The following EML1 variants were observed in gnomAD, a reference collection of about 807,000 sequenced individuals.
EML1 encodes EMAP like 1, also known as echinoderm microtubule-associated protein-like 1.
EML1 carries 27 observed loss-of-function variants against 110.4 expected under a neutral mutation model. The observed-to-expected ratio is 0.24, with a 90% CI of 0.18 to 0.34. The LOEUF is 0.34. Among genes scored for constraint, EML1 ranks in the 10% least tolerant of loss-of-function variants. The pLI, the probability that EML1 is intolerant of heterozygous loss-of-function variation, is 1.00. For missense variants in EML1, 741 were observed against 1,030.9 expected (o/e 0.72, Z 3.85); for synonymous variants, 344 against 385.8 (o/e 0.89, Z 1.27).
chr14:99,782,711 G>T (rs1000701837), intron 1 of EML1, among the ~76,000 whole-genome samples: 2 of 152,106 alleles, frequency 1.3e-5, no homozygotes, highest in African/African-American at 4.8e-5. Context: ...ATGAGCAAGA[G>T]TTACCGGACC....
intron 20 of EML1, 123 bp downstream of exon 20, chr14:99,938,035 C>T: frequency 1.0e-6 from 1 of 963,706 alleles, no homozygotes; most frequent in Non-Finnish European, 1.6e-6. Context: ...CTACGGGAGG[C>T]CCATGAGACA....
At chr14:99,899,134 T>G (rs2140012500) in intron 8 of EML1, among the ~76,000 whole-genome samples, 1 of 152,294 alleles carries the variant, frequency 6.6e-6, no homozygotes, top group East Asian at 1.9e-4. Context: ...AGAGGGAGCT[T>G]GTAGCTTTTT....
intron 3 of EML1, 140 bp downstream of exon 3, chr14:99,865,786 G>C: frequency 1.8e-6 from 2 of 1,110,434 alleles, no homozygotes. Context: ...TTTATATGGT[G>C]CCATAACAAG....
chr14:99,850,445 T>C, intron 1 of EML1: 1 of 862,188 alleles, frequency 1.2e-6, no homozygotes, highest in South Asian at 1.5e-5. Context: ...ATGACCTACC[T>C]GTCAGTTAAC....
intron 1 of EML1, among the ~76,000 whole-genome samples, chr14:99,753,195 C>CCT (rs2057197979): frequency 1.4e-5 from 1 of 70,846 alleles, no homozygotes; most frequent in African/African-American, 4.3e-5. Flanking sequence ...CCGCACCCCC[C>CCT]GCCCCCCCGC....
intron 1 of EML1, among the ~76,000 whole-genome samples, chr14:99,801,487 C>T (rs1180577414): frequency 1.3e-5 from 2 of 152,114 alleles, no homozygotes; most frequent in South Asian, 2.1e-4. Flanking sequence ...TGGTGGCGGG[C>T]GCCTGTAGTC....
At chr14:99,904,795 G>A (rs1017822924) in intron 9 of EML1, among the ~76,000 whole-genome samples, 1 of 152,082 alleles carries the variant, frequency 6.6e-6, no homozygotes, top group Admixed American at 6.5e-5. Flanking sequence ...TCAGGAACCT[G>A]CCACAAAATT....
At chr14:99,826,982 T>G (rs561690305) in intron 1 of EML1, among the ~76,000 whole-genome samples, 2 of 152,292 alleles carry the variant, frequency 1.3e-5, no homozygotes, top group South Asian at 4.2e-4. Flanking sequence ...TCCATTAATT[T>G]TTTTCATTCA....
At position 99,890,235 on chromosome 14, in the gene EML1, G is replaced by A. The variant is rs562899483; in HGVS notation, c.519-964G>A. Among the ~76,000 whole-genome samples, 124 of 152,280 alleles carry A rather than the reference G, an allele frequency of 8.1e-4. 4 individuals carry two copies. The South Asian group carries it at 0.025, about 30-fold the overall frequency. Reference sequence around the variant, plus strand: ...GAACCCAGTGCACCCCTTGACTCCCGTTTATTTCCTGTGTCGTCTTTTGTA... The same window carrying A: ...GAACCCAGTGCACCCCTTGACTCCCATTTATTTCCTGTGTCGTCTTTTGTA... On this transcript the variant is annotated intron_variant, in intron 4 of 21. Transcript: ENST00000262233.
At chr14:99,890,900 G>T (rs1297205044) in intron 4 of EML1, among the ~76,000 whole-genome samples, 2 of 152,044 alleles carry the variant, frequency 1.3e-5, no homozygotes, top group African/African-American at 4.8e-5. Context: ...TTTAGACAGG[G>T]TCATTCCCTT....
At chr14:99,915,047 A>G (rs1445216594) in intron 15 of EML1, 1 of 308,082 alleles carries the variant, frequency 3.2e-6, no homozygotes, top group African/African-American at 2.3e-5. Context: ...TTTGAATGGG[A>G]ATTTACAAGC....
At chr14:99,777,302 C>T (rs1425895792) in intron 1 of EML1, among the ~76,000 whole-genome samples, 1 of 152,202 alleles carries the variant, frequency 6.6e-6, no homozygotes, top group East Asian at 1.9e-4. Context: ...TTGCAGTTCC[C>T]TCCCCTCATT....
At chr14:99,907,171 G>A (rs560224797) in intron 9 of EML1, 3 of 154,222 alleles carry the variant, frequency 1.9e-5, no homozygotes, top group Admixed American at 1.3e-4. Context: ...TCTCAGCCAG[G>A]CCCAGTGGCT....
Position 99,940,035 on chromosome 14 carries a change from G to A in EML1, c.2371G>A (p.Asp791Asn), listed in dbSNP as rs147904150. ...GGHSSHVTNV[D>N]FLCEDSHLIS... The stretch of plus-strand genomic sequence containing the variant: ...GCACAGCAGCCATGTCACCAATGTC[G>A]ATTTCCTCTGTGAAGACAGCCACCT... The change falls in exon 22 of 22, where the codon GAT becomes AAT. Residue 791 changes from aspartate to asparagine, a missense_variant. Physicochemically the swap from Asp to Asn is conservative, Grantham distance 23. Coordinates refer to ENST00000262233, the MANE Select transcript of EML1 (RefSeq NM_004434.3). 2.0e-4 allele frequency: 325 copies of A among 1,599,758 alleles called. No homozygotes were observed. The highest frequency in any genetic ancestry group is 2.5e-4 in the Non-Finnish European group (297 of 1,173,364).
rs1351009883 is a variant in EML1 at position 99,848,946 on chromosome 14, G to C, written c.68-1907G>C. Among the ~76,000 whole-genome samples, 8 of 141,244 alleles carry C rather than the reference G, an allele frequency of 5.7e-5. No homozygotes were observed. In the East Asian group the frequency reaches 6.0e-4, roughly 11 times the overall value. 92.7% of individuals were successfully genotyped at this position (141,244 alleles called of 152,430 possible). On this transcript the variant is annotated intron_variant, in intron 1 of 21. Coordinates refer to ENST00000262233, the MANE Select transcript of EML1 (RefSeq NM_004434.3). ...CCACTGTACTGCAGCCTGGGCAACGGAGTAAGACCCTGTCAAAAAAAAAAA... is the reference window on the plus strand; with the variant it reads ...CCACTGTACTGCAGCCTGGGCAACGCAGTAAGACCCTGTCAAAAAAAAAAA...
chr14:99,847,851 A>AT (rs1400221470), intron 1 of EML1, among the ~76,000 whole-genome samples: 2 of 151,340 alleles, frequency 1.3e-5, no homozygotes, highest in Non-Finnish European at 2.9e-5. Flanking sequence ...CATGGTATAT[A>AT]TTTTTTCCAT....
Position 99,939,117 on chromosome 14 carries a change from C to T in EML1, c.2192-80C>T, listed in dbSNP as rs137864838. On this transcript the variant is annotated intron_variant, in intron 20 of 21. Transcript: ENST00000262233. This position sits in a 1 kb window ranked among gnomAD's most constrained non-coding sequence, Gnocchi z 4.2. ...CTTCAGGCAGTTTCATGTTCAGGAC[C>T]GTTCAGTGGGCGCTTCCTGCGCCAT... is the stretch of plus-strand genomic sequence containing the variant. The T allele has an allele frequency of 3.5e-5, 54 of 1,564,398 alleles. No individual in the cohort carries two copies. The highest frequency in any genetic ancestry group is 1.4e-4 in the African/African-American group (10 of 73,014).
intron 17 of EML1, among the ~76,000 whole-genome samples, chr14:99,928,679 C>T (rs1225688112): frequency 6.6e-6 from 1 of 152,096 alleles, no homozygotes; most frequent in East Asian, 1.9e-4. Flanking sequence ...CTGTAGGGAT[C>T]TTCTATTTTA....
At chr14:99,824,281 C>T (rs1163183414) in intron 1 of EML1, among the ~76,000 whole-genome samples, 1 of 152,206 alleles carries the variant, frequency 6.6e-6, no homozygotes, top group Non-Finnish European at 1.5e-5. Flanking sequence ...CTCTAATCCT[C>T]ATTCTCCTCT....
Sources: allele counts gnomAD v4.1 joint callset (sites outside exome capture counted in the v4.1 genomes callset), GRCh38; gene constraint gnomAD v4.1.1; non-coding constraint Gnocchi (gnomAD v3.1); transcripts MANE v1.5; gene names NCBI Gene and HGNC (gene_info 2026-07-23, HGNC 2026-07-21).